The following B4GALT5 variants were observed in gnomAD, a reference collection of about 807,000 sequenced individuals.
The protein encoded by B4GALT5 is beta-1,4-galactosyltransferase 5, also known as UDP-Gal:beta-GlcNAc beta-1,4-galactosyltransferase 5.
Under a neutral mutation model 45.0 loss-of-function variants are expected in B4GALT5, and 11 were observed. That is an observed-to-expected ratio of 0.24 (90% confidence interval 0.15 to 0.40). The LOEUF is 0.40. Among genes scored for constraint, B4GALT5 ranks in the 10% least tolerant of loss-of-function variants. B4GALT5 has a pLI of 1.00. For synonymous variants in B4GALT5, 185 were observed against 182.9 expected, an observed-to-expected ratio of 1.01 and a Z score of -0.09; for missense variants, 337 against 500.2, an observed-to-expected ratio of 0.67 and a Z score of 3.11.
intron 1 of B4GALT5, among the ~76,000 whole-genome samples, chr20:49,674,903 C>A (rs575267884): frequency 1.2e-4 from 18 of 152,270 alleles, no homozygotes; most frequent in Admixed American, 1.0e-3. Flanking sequence ...AATTTCAGTT[C>A]TTGCCACTCC....
chr20:49,639,432 C>T (rs563695039), intron 7 of B4GALT5, among the ~76,000 whole-genome samples: 2 of 152,142 alleles, frequency 1.3e-5, no homozygotes, highest in South Asian at 4.2e-4. Flanking sequence ...TGCAGTGGCA[C>T]AGCTCTCTGT....
chr20:49,694,858 A>C (rs560817652), intron 1 of B4GALT5, among the ~76,000 whole-genome samples: 1 of 150,874 alleles, frequency 6.6e-6, no homozygotes, highest in African/African-American at 2.4e-5. Flanking sequence ...ACACACACAC[A>C]CCCCTGAAGC....
At chr20:49,713,450 C>T (rs948940578) in intron 1 of B4GALT5, 126 bp downstream of exon 1, 1 of 920,732 alleles carries the variant, frequency 1.1e-6, no homozygotes, top group Non-Finnish European at 1.6e-6. Context: ...GGCCAGGACT[C>T]CGGAGTCTTC....
At chr20:49,644,241 TTTTG>T (rs1030865649) in intron 3 of B4GALT5, among the ~76,000 whole-genome samples, 1 of 151,864 alleles carries the variant, frequency 6.6e-6, no homozygotes, top group African/African-American at 2.4e-5. Flanking sequence ...TTTTTTTTTG[TTTTG>T]TTTATTAATA....
chr20:49,678,923 G>C (rs1343331804), intron 1 of B4GALT5, among the ~76,000 whole-genome samples: 3 of 152,196 alleles, frequency 2.0e-5, no homozygotes, highest in African/African-American at 4.8e-5. Context: ...AGGGTTCCTG[G>C]AGCACAAAGC....
intron 1 of B4GALT5, among the ~76,000 whole-genome samples, chr20:49,703,687 G>A (rs1269303379): frequency 1.3e-5 from 2 of 150,654 alleles, no homozygotes; most frequent in Admixed American, 6.6e-5. Flanking sequence ...TCAGGAGTTC[G>A]AGACCAGCCT....
intron 1 of B4GALT5, among the ~76,000 whole-genome samples, chr20:49,693,423 T>G (rs534614184): frequency 6.6e-6 from 1 of 152,340 alleles, no homozygotes; most frequent in African/African-American, 2.4e-5. Flanking sequence ...AACCAGTAAG[T>G]TGCAGAGCGG....
At chr20:49,674,689 TA>T (rs543351878) in intron 1 of B4GALT5, among the ~76,000 whole-genome samples, 1,972 of 141,888 alleles carry the variant, frequency 0.014, 31 homozygotes, top group African/African-American at 0.045. Context: ...CCATCCCTAT[TA>T]AAAAAAAAAA....
At chr20:49,642,628 C>A in intron 4 of B4GALT5, 44 bp from the exon 5 acceptor site, 1 of 1,377,896 alleles carries the variant, frequency 7.3e-7, no homozygotes, top group Non-Finnish European at 1.0e-6. Context: ...GGACTCTCAG[C>A]TTTCACTCCT....
chr20:49,642,205 G>A (rs1274234145), intron 5 of B4GALT5, among the ~76,000 whole-genome samples: 1 of 152,088 alleles, frequency 6.6e-6, no homozygotes, highest in Non-Finnish European at 1.5e-5. Context: ...GAGCCTGCAG[G>A]CACCAACAAA....
chr20:49,713,113 C>G (rs2085925215), intron 1 of B4GALT5, among the ~76,000 whole-genome samples: 1 of 150,112 alleles, frequency 6.7e-6, no homozygotes, highest in Admixed American at 6.6e-5. Flanking sequence ...GTGGGGCGGC[C>G]TGGGACCCGG....
At chr20:49,671,532 G>A (rs1219051226) in intron 1 of B4GALT5, among the ~76,000 whole-genome samples, 1 of 152,074 alleles carries the variant, frequency 6.6e-6, no homozygotes, top group East Asian at 1.9e-4. Flanking sequence ...AAGACACAAA[G>A]GAAAATATAA....
intron 1 of B4GALT5, among the ~76,000 whole-genome samples, chr20:49,706,440 T>C (rs1002258093): frequency 6.6e-6 from 1 of 152,072 alleles, no homozygotes; most frequent in South Asian, 2.1e-4. Context: ...ATGACTCAAC[T>C]TGACTTATAT....
intron 7 of B4GALT5, among the ~76,000 whole-genome samples, chr20:49,639,140 AT>A (rs1380729066): frequency 6.6e-6 from 1 of 152,112 alleles, no homozygotes; most frequent in Admixed American, 6.6e-5. Context: ...CATGTTACTT[AT>A]TGTTGTGGGT....
At chr20:49,671,512 A>C (rs2085715870) in intron 1 of B4GALT5, among the ~76,000 whole-genome samples, 1 of 152,234 alleles carries the variant, frequency 6.6e-6, no homozygotes, top group African/African-American at 2.4e-5. Context: ...AGTATATCAC[A>C]TTTGTGTTAA....
chr20:49,710,885 C>A (rs967107261), intron 1 of B4GALT5, among the ~76,000 whole-genome samples: 10 of 151,984 alleles, frequency 6.6e-5, no homozygotes, highest in African/African-American at 2.2e-4. Context: ...TTCAACAGAG[C>A]CTGTGCATCA....
intron 1 of B4GALT5, among the ~76,000 whole-genome samples, chr20:49,680,611 C>A (rs2085759924): frequency 6.6e-6 from 1 of 151,898 alleles, no homozygotes; most frequent in South Asian, 2.1e-4. Context: ...GAGAAGGGGA[C>A]TAATAATAGG....
chr20:49,656,682 T>C lies in B4GALT5; in HGVS notation c.136A>G (p.Met46Val). 2 of 1,614,158 alleles carry C rather than the reference T, an allele frequency of 1.2e-6. No homozygotes were observed. The highest frequency in any genetic ancestry group is 1.7e-6 in the Non-Finnish European group (2 of 1,180,010). Reference protein sequence around the residue: ...PGIVNTYLFMMQAQGILIRDN... With the variant: ...PGIVNTYLFMVQAQGILIRDN... ...CGGATCAGAATGCCTTGGGCTTGCA[T>C]CATGAAGAGGTAGGTGTTCACTGCA... Residue 46 changes from methionine (M) to valine (V), a missense_variant, in exon 2 of 9, where the codon ATG becomes GTG. Met to Val is a conservative substitution (Grantham distance 21). Transcript: ENST00000371711.
intron 8 of B4GALT5, 100 bp downstream of exon 8, chr20:49,637,241 C>G: frequency 9.7e-7 from 1 of 1,030,918 alleles, no homozygotes; most frequent in Non-Finnish European, 1.5e-6. Flanking sequence ...AACAGGGCCT[C>G]GGGGTGGGGA....
Sources: allele counts gnomAD v4.1 joint callset (sites outside exome capture counted in the v4.1 genomes callset), GRCh38; gene constraint gnomAD v4.1.1; transcripts MANE v1.5; gene names NCBI Gene and HGNC (gene_info 2026-07-23, HGNC 2026-07-21).